The following SLIT1 variants were observed in gnomAD, a reference collection of about 807,000 sequenced individuals.
SLIT1 encodes the protein slit homolog 1 protein.
In SLIT1, 66 loss-of-function variants were observed where a neutral mutation model predicts 186.1. The ratio of observed to expected loss-of-function variants is 0.35; its 90% confidence interval spans 0.29 to 0.44. The LOEUF (loss-of-function observed/expected upper bound fraction) is 0.44, where lower values mean the gene tolerates loss of function less well. SLIT1 is among the 20% of genes least tolerant of loss of function. The pLI, the probability that SLIT1 is intolerant of heterozygous loss-of-function variation, is 1.00. For synonymous variants in SLIT1, 761 were observed against 833.8 expected (o/e 0.91, Z 1.50); for missense variants, 1,638 against 2,037.4 (o/e 0.80, Z 3.77).
At chr10:97,046,872 A>G in intron 17 of SLIT1, 75 bp from the exon 18 acceptor site, 1 of 1,580,464 alleles carries the variant, frequency 6.3e-7, no homozygotes, top group Non-Finnish European at 8.6e-7. Context: ...CCTGCAGGCA[A>G]CACCCCCACA....
chr10:97,026,735 G>A (rs1284057306), intron 25 of SLIT1, among the ~76,000 whole-genome samples: 1 of 152,194 alleles, frequency 6.6e-6, no homozygotes, highest in Non-Finnish European at 1.5e-5. Context: ...GCTGATGGCT[G>A]GCTGGCTGAA....
At chr10:97,048,128 T>A in intron 14 of SLIT1, 132 bp from the exon 15 acceptor site, 1 of 965,672 alleles carries the variant, frequency 1.0e-6, no homozygotes. Flanking sequence ...CCAGTCCCTG[T>A]GTGCAGAAGG....
At chr10:97,027,336 A>G (rs1848554859) in intron 25 of SLIT1, among the ~76,000 whole-genome samples, 1 of 152,254 alleles carries the variant, frequency 6.6e-6, no homozygotes, top group South Asian at 2.1e-4. Flanking sequence ...CAACCACTGT[A>G]TGTGTGTACA....
chr10:97,160,055 C>T (rs1331211785), intron 3 of SLIT1, among the ~76,000 whole-genome samples: 5 of 152,126 alleles, frequency 3.3e-5, no homozygotes, highest in Non-Finnish European at 7.4e-5. Context: ...CTGGCTGCTC[C>T]CATGGTATGA....
chr10:97,097,986 A>G (rs1213915267), intron 4 of SLIT1, among the ~76,000 whole-genome samples: 2 of 152,210 alleles, frequency 1.3e-5, no homozygotes, highest in African/African-American at 4.8e-5. Flanking sequence ...TCATGTTGAT[A>G]TTGCCATTTC....
chr10:97,059,425 T>C (rs1429309086), intron 11 of SLIT1, 35 bp downstream of exon 11: 2 of 1,580,722 alleles, frequency 1.3e-6, no homozygotes, highest in South Asian at 1.1e-5. Flanking sequence ...GGGGATGCCC[T>C]GGGCCACTGA....
At chr10:97,097,562 C>G (rs896398735) in intron 4 of SLIT1, among the ~76,000 whole-genome samples, 1 of 152,182 alleles carries the variant, frequency 6.6e-6, no homozygotes, top group South Asian at 2.1e-4. Flanking sequence ...GTTTAGATTT[C>G]TTTCTTTATC....
rs965019375 is a variant in SLIT1 at position 97,021,283 on chromosome 10, G to A, written c.2713C>T (p.Leu905Phe). 3 of 1,614,090 alleles carry A rather than the reference G, an allele frequency of 1.9e-6. No homozygotes were observed. The highest frequency in any genetic ancestry group is 2.5e-6 in the Non-Finnish European group (3 of 1,180,030). ...GPQDMEGKLL[L>F]TTPAKKFECQ... The stretch of plus-strand genomic sequence containing the variant: ...TCAAACTTCTTGGCAGGCGTGGTGA[G>A]GAGCAGCTTGCCCTCCATGTCCTGG... The change falls in exon 26 of 37, where the codon CTC becomes TTC. Residue 905 changes from leucine to phenylalanine, a missense_variant. Leu to Phe is a conservative substitution (Grantham distance 22). Around this residue, in one of 3 missense-constraint regions of SLIT1, gnomAD observed 1,245 missense variants for 1,535.3 expected, o/e 0.81. Coordinates refer to ENST00000266058, the MANE Select transcript of SLIT1 (RefSeq NM_003061.3). This position sits in a 1 kb window ranked among gnomAD's most constrained non-coding sequence, Gnocchi z 4.5.
chr10:97,021,492 C>T lies in SLIT1; in HGVS notation c.2583-79G>A. 7.2e-7 allele frequency: 1 copy of T among 1,386,710 alleles called. No individual in the cohort carries two copies. Among genetic ancestry groups the T allele is most frequent in the Non-Finnish European group, 9.9e-7 (1 of 1,013,726 alleles). 85.9% of individuals were successfully genotyped at this position (1,386,710 alleles called of 1,614,324 possible). ...CACTGGGAACCTAGAGTCCCAGGCA[C>T]TGCACCAGGGGCTGGCAAAAATCTT... is the stretch of plus-strand genomic sequence containing the variant. On this transcript the variant is annotated intron_variant, in intron 25 of 36. Coordinates refer to ENST00000266058, the MANE Select transcript of SLIT1 (RefSeq NM_003061.3). The surrounding 1 kb of genome is among the most constrained non-coding windows in gnomAD (Gnocchi z 4.5).
Position 97,050,135 on chromosome 10 carries a change from C to T in SLIT1, c.1302-1017G>A, listed in dbSNP as rs528177557. ...TGCACTCCAGCCTGGTCAACAAGAG[C>T]GAAACTCTGTCTCGAAAAGGAAAAA... On this transcript the variant is annotated intron_variant, in intron 13 of 36. Coordinates refer to ENST00000266058, the MANE Select transcript of SLIT1 (RefSeq NM_003061.3). Among the ~76,000 whole-genome samples the T allele has an allele frequency of 7.2e-5, 11 of 152,168 alleles. 1 individual carries two copies. Among genetic ancestry groups the T allele is most frequent in the South Asian group, 2.1e-4 (1 of 4,826 alleles).
At position 97,068,551 on chromosome 10, in the gene SLIT1, T is replaced by C. The variant is rs1300707144; in HGVS notation, c.414-2465A>G. On this transcript the variant is annotated intron_variant, in intron 4 of 36. Transcript: ENST00000266058. This position sits in a 1 kb window ranked among gnomAD's most constrained non-coding sequence, Gnocchi z 4.2. ...TCTCTATTGCTCTCTCTCTCCTGGA[T>C]GTAGGCCCCATCTCCTGGAGGGGAG... Among the ~76,000 whole-genome samples, 1 of 151,924 alleles carries C rather than the reference T, an allele frequency of 6.6e-6. No homozygotes were observed. The highest frequency in any genetic ancestry group is 2.4e-5 in the African/African-American group (1 of 41,360).
chr10:97,043,144 G>T lies in SLIT1; in HGVS notation c.1998-77C>A. 6.7e-7 allele frequency: 1 copy of T among 1,494,926 alleles called. No homozygotes were observed. Among genetic ancestry groups the T allele is most frequent in the African/African-American group, 1.4e-5 (1 of 72,544 alleles). 92.6% of individuals were successfully genotyped at this position (1,494,926 alleles called of 1,614,324 possible). On this transcript the variant is annotated intron_variant, in intron 19 of 36. Transcript: ENST00000266058. The surrounding 1 kb of genome is among the most constrained non-coding windows in gnomAD (Gnocchi z 7.0). ...TCCCAGCAAACCCCTCCTGTACCAC[G>T]GACACAGGGCCACATGGCCACATGG...
chr10:97,056,265 C>G, intron 13 of SLIT1, 56 bp downstream of exon 13: 2 of 1,598,764 alleles, frequency 1.3e-6, no homozygotes, highest in Non-Finnish European at 1.7e-6. Context: ...GAGGCTGCAA[C>G]CTCCCCCAGG....
intron 13 of SLIT1, among the ~76,000 whole-genome samples, chr10:97,049,981 C>A (rs1848773296): frequency 6.6e-6 from 1 of 152,218 alleles, no homozygotes; most frequent in Non-Finnish European, 1.5e-5. Flanking sequence ...CACCACAGCA[C>A]TGGGCATGCC....
In SLIT1 at chr10:97,043,658, G is replaced by A. The variant is rs1247726427; in HGVS notation, c.1854-145C>T. 29 of 813,886 alleles carry A rather than the reference G, an allele frequency of 3.6e-5. No individual in the cohort carries two copies. Among genetic ancestry groups the A allele is most frequent in the Non-Finnish European group, 5.0e-5 (26 of 517,524 alleles). 50.4% of individuals were successfully genotyped at this position (813,886 alleles called of 1,614,324 possible). On this transcript the variant is annotated intron_variant, in intron 18 of 36. Transcript: ENST00000266058. This position sits in a 1 kb window ranked among gnomAD's most constrained non-coding sequence, Gnocchi z 7.0. ...CAGAGCCAGGAACACGCACCAGCCA[G>A]GCCCCGGCCAGGTGAGGCGAGTTTT...
chr10:97,179,039 G>A (rs917289283), intron 1 of SLIT1, among the ~76,000 whole-genome samples: 2 of 151,658 alleles, frequency 1.3e-5, no homozygotes, highest in African/African-American at 4.9e-5. Flanking sequence ...CCTTACCCTC[G>A]CTTCGCCTCG....
chr10:97,004,084 C>T lies in SLIT1; in HGVS notation c.3849G>A (p.Ala1283=), dbSNP rs749650797. Residue 1283 remains alanine, a synonymous_variant, in exon 34 of 37, where the codon GCG becomes GCA. Transcript: ENST00000266058. This position sits in a 1 kb window ranked among gnomAD's most constrained non-coding sequence, Gnocchi z 5.1. ...GGTCCTCACCTCCCACATAGAGTGG[C>T]GCCTCGCTGTTGAGCGTGTAATGTT... is the stretch of plus-strand genomic sequence containing the variant. ...FGKHYTLNSE[A]PLYVGGMPVD... 36 of 1,610,686 alleles carry T rather than the reference C, an allele frequency of 2.2e-5. No homozygotes were observed. The highest frequency in any genetic ancestry group is 3.3e-5 in the Admixed American group (2 of 59,978).
chr10:97,081,445 C>T (rs1451614009), intron 4 of SLIT1, among the ~76,000 whole-genome samples: 2 of 152,226 alleles, frequency 1.3e-5, no homozygotes, highest in African/African-American at 2.4e-5. Context: ...TTCCCTCTTC[C>T]TCAGGGGAAA....
intron 3 of SLIT1, among the ~76,000 whole-genome samples, chr10:97,162,169 T>C (rs574981138): frequency 2.0e-5 from 3 of 152,364 alleles, no homozygotes; most frequent in African/African-American, 7.2e-5. Flanking sequence ...ATGCAAATTG[T>C]TTTAGTAATA....
Sources: gnomAD v4.1 joint callset for allele counts (sites outside exome capture counted in the v4.1 genomes callset) on GRCh38, gnomAD v4.1.1 for gene constraint, gnomAD v4.1.1 regional missense constraint, Gnocchi (gnomAD v3.1) non-coding constraint, MANE v1.5 for transcripts, NCBI Gene and HGNC (gene_info 2026-07-23, HGNC 2026-07-21) for gene names.